Variants in RELCH observed in about 807,000 individuals in gnomAD.
RELCH encodes RAB11 binding and LisH domain, coiled-coil and HEAT repeat containing, also known as RAB11-binding protein RELCH.
RELCH carries 41 observed loss-of-function variants against 150.3 expected under a neutral mutation model. The observed-to-expected ratio is 0.27, with a 90% CI of 0.21 to 0.35. The LOEUF (loss-of-function observed/expected upper bound fraction) is 0.35, where lower values mean the gene tolerates loss of function less well. Among genes scored for constraint, RELCH ranks in the 10% least tolerant of loss-of-function variants. RELCH has a pLI of 1.00. For missense variants in RELCH, 1,092 were observed against 1,467.8 expected (o/e 0.74, Z 4.18); for synonymous variants, 478 against 531.8 (o/e 0.90, Z 1.39).
At chr18:62,287,884 C>A (rs2044892388) in intron 26 of RELCH, among the ~76,000 whole-genome samples, 1 of 152,096 alleles carries the variant, frequency 6.6e-6, no homozygotes, top group South Asian at 2.1e-4. Context: ...TTATGAGTAT[C>A]TCTTAGAGAG....
chr18:62,249,127 G>T (rs958004711), intron 11 of RELCH, among the ~76,000 whole-genome samples: 3 of 152,126 alleles, frequency 2.0e-5, no homozygotes, highest in Non-Finnish European at 4.4e-5. Context: ...TAATGATTTT[G>T]TAGCTTTATG....
chr18:62,300,527 T>C (rs2045617732), intron 28 of RELCH: 1 of 152,236 alleles, frequency 6.6e-6, no homozygotes, highest in Admixed American at 6.5e-5. Context: ...CAGATAAAGA[T>C]ATCTGTATCT....
intron 2 of RELCH, among the ~76,000 whole-genome samples, chr18:62,212,493 G>T (rs144041841): frequency 5.3e-5 from 8 of 152,268 alleles, no homozygotes; most frequent in African/African-American, 1.9e-4. Context: ...GACCAACTCT[G>T]TTGAATTTTT....
At chr18:62,270,743 C>T (rs1198350610) in intron 20 of RELCH, among the ~76,000 whole-genome samples, 5 of 151,922 alleles carry the variant, frequency 3.3e-5, no homozygotes, top group Admixed American at 2.6e-4. Context: ...TTGCTGCACC[C>T]CTTAACTTGT....
intron 8 of RELCH, 23 bp from the exon 9 acceptor site, chr18:62,231,171 C>G: frequency 6.8e-7 from 1 of 1,464,586 alleles, no homozygotes; most frequent in Non-Finnish European, 9.5e-7. Context: ...GATATTGTCT[C>G]TTTTTCATAC....
chr18:62,200,856 AT>A (rs1327383375), intron 1 of RELCH, among the ~76,000 whole-genome samples: 2 of 151,238 alleles, frequency 1.3e-5, no homozygotes, highest in Non-Finnish European at 1.5e-5. Context: ...TAGAAAATTT[AT>A]AGTCTTATTT....
chr18:62,219,128 T>C (rs1888647297), intron 2 of RELCH, among the ~76,000 whole-genome samples: 1 of 151,794 alleles, frequency 6.6e-6, no homozygotes, highest in African/African-American at 2.4e-5. Flanking sequence ...TTCAAAGTAT[T>C]GGTAAATTCT....
In RELCH at chr18:62,228,591, C is replaced by T. The variant is rs898806564; in HGVS notation, c.1441C>T (p.Pro481Ser). 2 of 1,606,358 alleles carry T rather than the reference C, an allele frequency of 1.2e-6. No individual in the cohort carries two copies. Among genetic ancestry groups the T allele is most frequent in the East Asian group, 2.2e-5 (1 of 44,704 alleles). The change falls in exon 8 of 29, where the codon CCT becomes TCT. Residue 481 changes from proline (P) to serine (S), a missense_variant. Physicochemically the swap from Pro to Ser is moderately conservative, Grantham distance 74. This residue lies in a region of RELCH where 707 missense variants were observed against 1,025.4 expected (regional missense o/e 0.69). Coordinates refer to ENST00000644646, the MANE Select transcript of RELCH (RefSeq NM_001346231.2). ...TAAAAAGACAGTTCATTTTGATAAA[C>T]CTAATAGGTTAGTATGCATCCTATA... ...SSKKTVHFDK[P>S]NRKLSPAFHQ...
chr18:62,286,525 G>T (rs369534661), intron 25 of RELCH, among the ~76,000 whole-genome samples: 2 of 152,016 alleles, frequency 1.3e-5, no homozygotes, highest in African/African-American at 4.8e-5. Flanking sequence ...CAAGAAAGGG[G>T]TCACTACAGT....
At chr18:62,298,036 C>G (rs2045496913) in intron 27 of RELCH, among the ~76,000 whole-genome samples, 1 of 152,128 alleles carries the variant, frequency 6.6e-6, no homozygotes, top group Admixed American at 6.6e-5. Flanking sequence ...GTATCTGTCT[C>G]TCTTACTAGA....
intron 5 of RELCH, 90 bp downstream of exon 5, chr18:62,221,587 G>GTT (rs771271811): frequency 1.2e-5 from 6 of 519,642 alleles, no homozygotes; most frequent in Non-Finnish European, 1.6e-5. Flanking sequence ...TTTTTTTTAA[G>GTT]TTATATATAT....
chr18:62,237,947 A>C (rs570933030), intron 10 of RELCH, among the ~76,000 whole-genome samples: 25 of 151,882 alleles, frequency 1.6e-4, no homozygotes, highest in African/African-American at 5.8e-4. Flanking sequence ...AAAAGTAACA[A>C]CTTTACTCAA....
chr18:62,247,522 A>G (rs926038514), intron 11 of RELCH: 4 of 151,866 alleles, frequency 2.6e-5, no homozygotes, highest in Non-Finnish European at 5.9e-5. Context: ...TTGAAAATTG[A>G]ATCCATGTTT....
chr18:62,192,535 T>A (rs1478840712), intron 1 of RELCH, among the ~76,000 whole-genome samples: 3 of 152,228 alleles, frequency 2.0e-5, no homozygotes, highest in Admixed American at 1.3e-4. Context: ...TACATTTAAG[T>A]CTTTAATCCA....
rs145776607 is a variant in RELCH, at chr18:62,277,875, A to G, written c.2968-1899A>G. On this transcript the variant is annotated intron_variant, in intron 22 of 28. Transcript: ENST00000644646. ...AAAGAGCTTCATATATATTTTAATC[A>G]TAAGGAAATTGAACATGTAACATTA... is the stretch of plus-strand genomic sequence containing the variant. The G allele has an allele frequency of 2.6e-5, 24 of 929,608 alleles. No individual in the cohort carries two copies. The Middle Eastern group carries it at 2.2e-3, about 86-fold the overall frequency. 57.6% of individuals were successfully genotyped at this position (929,608 alleles called of 1,614,324 possible). A position where few individuals can be genotyped will look rare whatever the true frequency, so the allele number is the denominator to read the frequency against.
At chr18:62,270,575 C>T (rs1600171480) in intron 20 of RELCH, among the ~76,000 whole-genome samples, 1 of 152,100 alleles carries the variant, frequency 6.6e-6, no homozygotes, top group Non-Finnish European at 1.5e-5. Context: ...TTACCCACTA[C>T]TAACTTATTT....
At chr18:62,227,092 C>T (rs1251378107) in intron 5 of RELCH, among the ~76,000 whole-genome samples, 197 bp from the exon 6 acceptor site, 1 of 151,154 alleles carries the variant, frequency 6.6e-6, no homozygotes, top group Non-Finnish European at 1.5e-5. Context: ...ACTTGGGAGG[C>T]TGAGGTGGGA....
At chr18:62,273,072 C>T (rs986692145) in intron 20 of RELCH, among the ~76,000 whole-genome samples, 5 of 151,200 alleles carry the variant, frequency 3.3e-5, no homozygotes, top group African/African-American at 1.2e-4. Flanking sequence ...TCCAGTCTTC[C>T]TCATGATCTA....
chr18:62,304,688 A>C (rs1328443482), intron 28 of RELCH, among the ~76,000 whole-genome samples: 1 of 152,216 alleles, frequency 6.6e-6, no homozygotes, highest in African/African-American at 2.4e-5. Context: ...TCATTGAAAA[A>C]TTGTGCTTGA....
Sources: gnomAD v4.1 joint callset for allele counts (sites outside exome capture counted in the v4.1 genomes callset) on GRCh38, gnomAD v4.1.1 for gene constraint, gnomAD v4.1.1 regional missense constraint, MANE v1.5 for transcripts, NCBI Gene and HGNC (gene_info 2026-07-23, HGNC 2026-07-21) for gene names.